Variants in SLC7A9 observed in about 807,000 individuals in gnomAD.
SLC7A9 encodes B(0,+)-type amino acid transporter 1.
A neutral mutation model predicts 54.1 loss-of-function variants in SLC7A9; 38 were observed. The observed-to-expected ratio is 0.70, with a 90% CI of 0.54 to 0.92. The LOEUF is 0.92. Ranked by LOEUF, SLC7A9 falls within the 40% of genes least tolerant of loss-of-function variation. The pLI is 0.00. For missense variants in SLC7A9, 537 were observed against 636.1 expected, an observed-to-expected ratio of 0.84 and a Z score of 1.68; for synonymous variants, 264 against 258.9, an observed-to-expected ratio of 1.02 and a Z score of -0.19.
chr19:32,853,461 G>A (rs1451845804), intron 9 of SLC7A9, among the ~76,000 whole-genome samples: 1 of 152,096 alleles, frequency 6.6e-6, no homozygotes, highest in East Asian at 1.9e-4. Context: ...TGTTAAAATT[G>A]TGTTTGTGTA....
At chr19:32,832,821 A>G in intron 12 of SLC7A9, 3 of 311,002 alleles carry the variant, frequency 9.6e-6, no homozygotes, top group Non-Finnish European at 1.9e-5. Flanking sequence ...AGGTGGGAGG[A>G]TGGCTTGAGC....
At chr19:32,837,915 G>A (rs898189575) in intron 11 of SLC7A9, among the ~76,000 whole-genome samples, 15 of 152,182 alleles carry the variant, frequency 9.9e-5, no homozygotes, top group African/African-American at 2.9e-4. Flanking sequence ...ATAGTTCAGG[G>A]TGTTAAAAGC....
At chr19:32,861,977 A>G in intron 6 of SLC7A9, 141 bp downstream of exon 6, 1 of 736,628 alleles carries the variant, frequency 1.4e-6, no homozygotes, top group Non-Finnish European at 2.5e-6. Flanking sequence ...CATCCTTCAC[A>G]AAAAGGAAAT....
At chr19:32,860,015 G>T in intron 7 of SLC7A9, 51 bp from the exon 8 acceptor site, 1 of 1,613,738 alleles carries the variant, frequency 6.2e-7, no homozygotes, top group Non-Finnish European at 8.5e-7. Context: ...AGCCTCCCGC[G>T]GAAGATGGAC....
intron 12 of SLC7A9, among the ~76,000 whole-genome samples, chr19:32,832,597 AAAAAAAAG>A (rs1000439618): frequency 2.7e-5 from 4 of 148,484 alleles, no homozygotes; most frequent in East Asian, 2.0e-4. Flanking sequence ...CAAAAAAAAA[AAAAAAAAG>A]AAAGAAAGAA....
chr19:32,837,152 G>A (rs2145800555), intron 11 of SLC7A9, among the ~76,000 whole-genome samples: 1 of 152,140 alleles, frequency 6.6e-6, no homozygotes, highest in East Asian at 1.9e-4. Context: ...GATGTTCTAT[G>A]GAAGAACCCC....
rs373392618 is a variant in SLC7A9, at chr19:32,858,768, C to CTATA, written c.874-226_874-225insTATA. On this transcript the variant is annotated intron_variant, in intron 8 of 12. Coordinates refer to ENST00000023064, the MANE Select transcript of SLC7A9 (RefSeq NM_014270.5). ...TTATCTACTACTCCCTGGCATAAAT[C>CTATA]TTTATTTATTTATTTATTTATTTAT... Among the ~76,000 whole-genome samples the CTATA allele has an allele frequency of 4.4e-3, 651 of 148,630 alleles. 3 individuals carry two copies. Among genetic ancestry groups the CTATA allele is most frequent in the African/African-American group, 0.01 (419 of 40,408 alleles).
At position 32,857,621 on chromosome 19, in the gene SLC7A9, A is replaced by G. The variant is rs1246682178; in HGVS notation, c.977+819T>C. Among the ~76,000 whole-genome samples, 2 of 152,192 alleles carry G rather than the reference A, an allele frequency of 1.3e-5. 1 individual carries two copies. Among genetic ancestry groups the G allele is most frequent in the Non-Finnish European group, 2.9e-5 (2 of 68,046 alleles). On this transcript the variant is annotated intron_variant, in intron 9 of 12. Transcript: ENST00000023064. The stretch of plus-strand genomic sequence containing the variant: ...TTTTTAACATACACAGACTTTGTCA[A>G]TTTCACTCTGAAATATATCCATTCA...
At chr19:32,834,776 T>C (rs182358696) in intron 11 of SLC7A9, among the ~76,000 whole-genome samples, 3 of 152,280 alleles carry the variant, frequency 2.0e-5, no homozygotes, top group African/African-American at 4.8e-5. Context: ...GCATTTTTCC[T>C]TTGACTGTGT....
intron 11 of SLC7A9, among the ~76,000 whole-genome samples, chr19:32,840,753 C>A (rs996653730): frequency 4.6e-5 from 7 of 152,124 alleles, no homozygotes; most frequent in Non-Finnish European, 7.4e-5. Context: ...TAAGCCACTG[C>A]AGCCCTGCTC....
rs112524739 is a variant in SLC7A9, at chr19:32,858,881, C to A, written c.874-338G>T. Among the ~76,000 whole-genome samples, 21 of 148,920 alleles carry A rather than the reference C, an allele frequency of 1.4e-4. 1 individual carries two copies. The highest frequency in any genetic ancestry group is 5.2e-4 in the African/African-American group (21 of 40,430). On this transcript the variant is annotated intron_variant, in intron 8 of 12. Coordinates refer to ENST00000023064, the MANE Select transcript of SLC7A9 (RefSeq NM_014270.5). ...TCGGCTCACTGCAACCTCTGCCTCC[C>A]AGGGTCAAGCGATGCTCGTGCCTCA...
At chr19:32,862,641 G>A (rs1968837459) in intron 4 of SLC7A9, 55 bp from the exon 5 acceptor site, 10 of 1,548,788 alleles carry the variant, frequency 6.5e-6, no homozygotes, top group Non-Finnish European at 8.8e-6. Flanking sequence ...GCCCTGGAGA[G>A]AGTCTCCTTT....
At position 32,858,583 on chromosome 19, in the gene SLC7A9, G is replaced by C. The variant is rs370688507; in HGVS notation, c.874-40C>G. 2.0e-6 allele frequency: 3 copies of C among 1,516,910 alleles called. No individual in the cohort carries two copies. In the African/African-American group the frequency reaches 4.1e-5, roughly 21 times the overall value. 94.0% of individuals were successfully genotyped at this position (1,516,910 alleles called of 1,614,324 possible). A position where few individuals can be genotyped will look rare whatever the true frequency, so the allele number is the denominator to read the frequency against. On this transcript the variant is annotated intron_variant, in intron 8 of 12. Transcript: ENST00000023064. ...GAGATGAGTCCTGAGGGTCTTTCTT[G>C]GCCTCCAAGAGCGGCCGGCCCCCAA...
intron 5 of SLC7A9, 80 bp downstream of exon 5, chr19:32,862,381 C>T (rs1230899603): frequency 1.9e-6 from 3 of 1,588,836 alleles, no homozygotes; most frequent in African/African-American, 1.3e-5. Flanking sequence ...GAGATGGGCT[C>T]GTGGGGCAAG....
chr19:32,862,054 G>C (rs1419058894), intron 6 of SLC7A9, 64 bp downstream of exon 6: 2 of 985,518 alleles, frequency 2.0e-6, no homozygotes, highest in Admixed American at 1.7e-5. Context: ...CATGACAGGT[G>C]GAGTTAAAGT....
chr19:32,832,034 G>C (rs915629429), intron 12 of SLC7A9, among the ~76,000 whole-genome samples: 4 of 152,152 alleles, frequency 2.6e-5, no homozygotes, highest in Non-Finnish European at 5.9e-5. Context: ...CCTACATTTC[G>C]GGAGACTGAT....
chr19:32,841,067 G>A (rs1276334294), intron 11 of SLC7A9, among the ~76,000 whole-genome samples: 3 of 152,198 alleles, frequency 2.0e-5, no homozygotes, highest in African/African-American at 4.8e-5. Flanking sequence ...CAGGCAGGCT[G>A]TGCCATGACT....
intron 9 of SLC7A9, among the ~76,000 whole-genome samples, chr19:32,855,400 C>T (rs949532922): frequency 1.3e-5 from 2 of 152,062 alleles, no homozygotes; most frequent in African/African-American, 4.8e-5. Context: ...GCCAGTCCCT[C>T]AGCTAATAGA....
intron 8 of SLC7A9, 25 bp from the exon 9 acceptor site, chr19:32,858,568 C>T: frequency 1.9e-6 from 3 of 1,580,928 alleles, no homozygotes; most frequent in Middle Eastern, 1.7e-4. Context: ...GAGATGAGTC[C>T]TGAGGGTCTT....
Sources: gnomAD v4.1 joint callset for allele counts (sites outside exome capture counted in the v4.1 genomes callset) on GRCh38, gnomAD v4.1.1 for gene constraint, MANE v1.5 for transcripts, NCBI Gene and HGNC (gene_info 2026-07-23, HGNC 2026-07-21) for gene names.